Variants in MAP4K3 observed in about 807,000 individuals in gnomAD.
MAP4K3 encodes the protein MAPK/ERK kinase kinase kinase 3.
Under a neutral mutation model 143.5 loss-of-function variants are expected in MAP4K3, and 94 were observed. That is an observed-to-expected ratio of 0.65 (90% CI 0.55 to 0.78). The LOEUF (loss-of-function observed/expected upper bound fraction) is 0.78, where lower values mean the gene tolerates loss of function less well. MAP4K3 is among the 30% of genes least tolerant of loss of function. The pLI is 0.00. For missense variants in MAP4K3, 1,077 were observed against 1,068.1 expected, an observed-to-expected ratio of 1.01 and a Z score of -0.12; for synonymous variants, 416 against 347.2, an observed-to-expected ratio of 1.20 and a Z score of -2.20.
chr2:39,325,577 C>CCAA lies in MAP4K3; in HGVS notation c.856_858dup (p.Leu286dup). 1 of 1,613,180 alleles carries CCAA rather than the reference C, an allele frequency of 6.2e-7. No individual in the cohort carries two copies. The highest frequency in any genetic ancestry group is 8.5e-7 in the Non-Finnish European group (1 of 1,179,748). ...GAATGATCTGGATTATTTACTTTAT[C>CCAA]CAACAGCTCGATTGCCAAAGACCGT... On this transcript the variant is annotated inframe_insertion, in exon 12 of 34. Transcript: ENST00000263881.
intron 1 of MAP4K3, among the ~76,000 whole-genome samples, chr2:39,398,377 C>T (rs1666866133): frequency 6.6e-6 from 1 of 151,350 alleles, no homozygotes; most frequent in South Asian, 2.1e-4. Flanking sequence ...AATAAAGAAA[C>T]CAGGGTGCAA....
chr2:39,297,502 G>C (rs949756845), intron 16 of MAP4K3, among the ~76,000 whole-genome samples: 1 of 152,030 alleles, frequency 6.6e-6, no homozygotes, highest in Non-Finnish European at 1.5e-5. Flanking sequence ...GAATTCCAAA[G>C]AAAAGGAGAC....
At chr2:39,375,142 C>T (rs549726449) in intron 2 of MAP4K3, among the ~76,000 whole-genome samples, 61 of 152,080 alleles carry the variant, frequency 4.0e-4, no homozygotes, top group Non-Finnish European at 1.3e-4. Context: ...GCCTGCAGTC[C>T]TAGCTACTTG....
intron 26 of MAP4K3, among the ~76,000 whole-genome samples, chr2:39,271,221 G>A (rs928796957): frequency 6.6e-6 from 1 of 152,128 alleles, no homozygotes; most frequent in African/African-American, 2.4e-5. Flanking sequence ...ACTCCTTAAA[G>A]GAAGAGACTA....
At chr2:39,333,919 C>A (rs1042815286) in intron 6 of MAP4K3, among the ~76,000 whole-genome samples, 2 of 151,528 alleles carry the variant, frequency 1.3e-5, no homozygotes, top group East Asian at 3.9e-4. Flanking sequence ...GCATTTTCAA[C>A]TGTTTACATT....
At chr2:39,294,740 G>A (rs967978599) in intron 16 of MAP4K3, among the ~76,000 whole-genome samples, 17 of 152,214 alleles carry the variant, frequency 1.1e-4, no homozygotes, top group African/African-American at 3.9e-4. Flanking sequence ...GGTAATTTAG[G>A]ACAGAGTTGG....
intron 3 of MAP4K3, among the ~76,000 whole-genome samples, chr2:39,347,953 A>G (rs976820459): frequency 5.3e-5 from 8 of 151,972 alleles, no homozygotes; most frequent in African/African-American, 1.9e-4. Flanking sequence ...CAAACTGTTC[A>G]TTGTTGATCT....
intron 2 of MAP4K3, among the ~76,000 whole-genome samples, chr2:39,357,497 C>A (rs1332956783): frequency 6.6e-6 from 1 of 152,208 alleles, no homozygotes; most frequent in Non-Finnish European, 1.5e-5. Flanking sequence ...AACAGCCCAA[C>A]CATGAACCAT....
chr2:39,369,808 C>G (rs899750966), intron 2 of MAP4K3, among the ~76,000 whole-genome samples: 18 of 152,168 alleles, frequency 1.2e-4, no homozygotes, highest in Non-Finnish European at 1.6e-4. Context: ...TATTCCCAAC[C>G]CAGAGTATTT....
chr2:39,276,194 A>G (rs1461963495), intron 24 of MAP4K3, among the ~76,000 whole-genome samples: 15 of 152,140 alleles, frequency 9.9e-5, no homozygotes, highest in Admixed American at 9.8e-4. Context: ...TATATTGATA[A>G]AAGAATTAGT....
In MAP4K3 at chr2:39,336,609, A is replaced by G. The variant is rs1023109049; in HGVS notation, c.414+311T>C. On this transcript the variant is annotated intron_variant, in intron 6 of 33. Transcript: ENST00000263881. Reference sequence around the variant, plus strand: ...AAATAGTCAAAGCATAAAACTTACTAAAAACTATAACTTGATGAAAGCTAT... The same window carrying G: ...AAATAGTCAAAGCATAAAACTTACTGAAAACTATAACTTGATGAAAGCTAT... 1.4e-4 allele frequency among the ~76,000 whole-genome samples: 22 copies of G among 152,244 alleles called. No individual in the cohort carries two copies. In the East Asian group the frequency reaches 2.1e-3, roughly 15 times the overall value.
At chr2:39,300,971 C>T (rs531545697) in intron 15 of MAP4K3, among the ~76,000 whole-genome samples, 8 of 152,308 alleles carry the variant, frequency 5.3e-5, no homozygotes, top group Admixed American at 3.9e-4. Context: ...TGTTCAAATG[C>T]CAACTGTTTA....
rs552909941 is a variant in MAP4K3, at chr2:39,333,780, C to T, written c.415-206G>A. ...AACTTGACTATCTTTATAAAATGTT[C>T]TGCCTTGCAAAAAAGCTGCTACTAA... On this transcript the variant is annotated intron_variant, in intron 6 of 33. Transcript: ENST00000263881. 2.0e-5 allele frequency among the ~76,000 whole-genome samples: 3 copies of T among 152,154 alleles called. No homozygotes were observed. In the South Asian group the frequency reaches 6.2e-4, roughly 32 times the overall value.
At chr2:39,342,421 C>T (rs1665170259) in intron 4 of MAP4K3, among the ~76,000 whole-genome samples, 1 of 152,142 alleles carries the variant, frequency 6.6e-6, no homozygotes, top group Non-Finnish European at 1.5e-5. Context: ...TGAGCCACTG[C>T]ACCCGGCCCT....
At chr2:39,279,828 C>T (rs1193419869) in intron 23 of MAP4K3, among the ~76,000 whole-genome samples, 3 of 152,094 alleles carry the variant, frequency 2.0e-5, no homozygotes, top group Non-Finnish European at 4.4e-5. Context: ...TGGCATGTGC[C>T]TCCAGTCCTA....
chr2:39,299,458 A>G (rs1210508841), intron 16 of MAP4K3, among the ~76,000 whole-genome samples: 1 of 152,206 alleles, frequency 6.6e-6, no homozygotes, highest in East Asian at 1.9e-4. Flanking sequence ...TTTTAGAAAT[A>G]AAGTGCTAAA....
In MAP4K3 at chr2:39,370,497, GA is replaced by G. The variant is rs776171697; in HGVS notation, c.154+7568del. Among the ~76,000 whole-genome samples, 4 of 152,052 alleles carry G rather than the reference GA, an allele frequency of 2.6e-5. No homozygotes were observed. The East Asian group carries it at 7.7e-4, about 29-fold the overall frequency. ...AGCACCTCTACTACCTCTCAGGAAA[GA>G]AAAAACTAATGTCAAAGGCTGGCAG... On this transcript the variant is annotated intron_variant, in intron 2 of 33. Transcript: ENST00000263881.
At chr2:39,432,658 A>G (rs1224601895) in intron 1 of MAP4K3, among the ~76,000 whole-genome samples, 1 of 152,240 alleles carries the variant, frequency 6.6e-6, no homozygotes, top group Non-Finnish European at 1.5e-5. Flanking sequence ...TGCTGATTAT[A>G]ATGGAAGAAT....
chr2:39,436,008 G>A (rs912658518), intron 1 of MAP4K3, among the ~76,000 whole-genome samples: 1 of 152,210 alleles, frequency 6.6e-6, no homozygotes, highest in Non-Finnish European at 1.5e-5. Flanking sequence ...TGAAACTGGA[G>A]GAGTTCAACT....
Sources: allele counts gnomAD v4.1 joint callset (sites outside exome capture counted in the v4.1 genomes callset), GRCh38; gene constraint gnomAD v4.1.1; transcripts MANE v1.5; gene names NCBI Gene and HGNC (gene_info 2026-07-23, HGNC 2026-07-21).